SRGAP2B: variants seen among roughly 807,000 people sequenced by gnomAD.
SRGAP2B encodes the protein SLIT-ROBO Rho GTPase activating protein 2B, also known as SLIT-ROBO Rho GTPase-activating protein 2B.
SRGAP2B carries 9 observed loss-of-function variants against 22.2 expected under a neutral mutation model. The observed-to-expected ratio is 0.41, with a 90% CI of 0.24 to 0.71. SRGAP2B has a LOEUF of 0.71. Ranked by LOEUF, SRGAP2B falls within the 30% of genes least tolerant of loss-of-function variation. The pLI, the probability that SRGAP2B is intolerant of heterozygous loss-of-function variation, is 0.35. For missense variants in SRGAP2B, 114 were observed against 235.8 expected, an observed-to-expected ratio of 0.48 and a Z score of 3.38; for synonymous variants, 36 against 87.4, an observed-to-expected ratio of 0.41 and a Z score of 3.28.
chr1:144,915,683 G>A (rs879965464), intron 4 of SRGAP2B, among the ~76,000 whole-genome samples: 2 of 151,242 alleles, frequency 1.3e-5, no homozygotes, highest in Admixed American at 6.6e-5. Context: ...CCGAGATTGC[G>A]CCATTGCACT....
intron 4 of SRGAP2B, among the ~76,000 whole-genome samples, chr1:144,927,516 T>C (rs1664824853): frequency 6.7e-6 from 1 of 150,372 alleles, no homozygotes; most frequent in Non-Finnish European, 1.5e-5. Flanking sequence ...CTGTCAACCA[T>C]GCTGTTGCTC....
exon 10 of SRGAP2B, chr1:144,887,316 TTA>T (rs1202096034): frequency 1.4e-5 from 2 of 140,274 alleles, no homozygotes; most frequent in Admixed American, 1.5e-4. Context: ...TTTAATAATT[TTA>T]TGTTAAACTC....
chr1:144,944,318 T>C (rs1361467823), intron 4 of SRGAP2B, among the ~76,000 whole-genome samples: 1 of 150,590 alleles, frequency 6.6e-6, no homozygotes, highest in East Asian at 1.9e-4. Flanking sequence ...TTTAAGTAAT[T>C]GCCAACTATG....
chr1:144,980,875 TAACTA>T (rs1326365047), intron 3 of SRGAP2B, among the ~76,000 whole-genome samples: 4 of 149,584 alleles, frequency 2.7e-5, no homozygotes, highest in African/African-American at 7.5e-5. Flanking sequence ...ATTGAGAACA[TAACTA>T]TACTATCTTT....
chr1:144,956,715 TG>T (rs1342250615), intron 3 of SRGAP2B, among the ~76,000 whole-genome samples: 1 of 150,340 alleles, frequency 6.7e-6, no homozygotes, highest in Admixed American at 6.6e-5. Flanking sequence ...CCCAAAGTGC[TG>T]GGATTATAGG....
chr1:144,979,707 G>A lies in SRGAP2B; in HGVS notation c.260+15301C>T, dbSNP rs587682739. ...GCTCACTTAGTTCACGAGAGATCTG[G>A]TTGTTCAAAAGTCTGGGACCTCCCC... On this transcript the variant is annotated intron_variant, in intron 3 of 9. Coordinates refer to ENST00000612199, the Ensembl canonical transcript of SRGAP2B. Among the ~76,000 whole-genome samples, 988 of 150,768 alleles carry A rather than the reference G, an allele frequency of 6.6e-3. 13 individuals carry two copies. Among genetic ancestry groups the A allele is most frequent in the Admixed American group, 0.01 (158 of 15,186 alleles).
chr1:144,984,365 C>CAACAACAAA (rs1491147391), intron 3 of SRGAP2B, among the ~76,000 whole-genome samples: 14 of 126,438 alleles, frequency 1.1e-4, no homozygotes, highest in Non-Finnish European at 1.8e-4. Flanking sequence ...ACAACAACAA[C>CAACAACAAA]AAAAAAAAAA....
chr1:144,907,161 G>A (rs1302570136), intron 5 of SRGAP2B, among the ~76,000 whole-genome samples: 72 of 149,366 alleles, frequency 4.8e-4, no homozygotes, highest in Non-Finnish European at 4.6e-4. Flanking sequence ...GTGTGTGTGT[G>A]TGCATGTGTG....
chr1:144,909,887 T>G (rs1156345820), intron 5 of SRGAP2B, among the ~76,000 whole-genome samples: 1 of 149,804 alleles, frequency 6.7e-6, no homozygotes, highest in Non-Finnish European at 1.5e-5. Flanking sequence ...ATACTAAAGT[T>G]GGGGCTTCCA....
At chr1:145,044,940 C>T (rs1317065042) in intron 2 of SRGAP2B, among the ~76,000 whole-genome samples, 1 of 150,268 alleles carries the variant, frequency 6.7e-6, no homozygotes, top group Admixed American at 6.7e-5. Flanking sequence ...CTGAGGCTAC[C>T]TATAGAACTT....
chr1:144,971,216 C>T (rs777228570), intron 3 of SRGAP2B, among the ~76,000 whole-genome samples: 3 of 148,660 alleles, frequency 2.0e-5, no homozygotes, highest in African/African-American at 2.6e-5. Context: ...CCGCAACCTC[C>T]GCCTCCTGGG....
intron 3 of SRGAP2B, among the ~76,000 whole-genome samples, chr1:144,956,881 T>C: frequency 6.7e-6 from 1 of 149,170 alleles, no homozygotes; most frequent in South Asian, 2.1e-4. Flanking sequence ...AAAGTAGGAA[T>C]AATTTGCAGT....
At chr1:145,081,112 C>A (rs587704890) in intron 2 of SRGAP2B, among the ~76,000 whole-genome samples, 2 of 149,536 alleles carry the variant, frequency 1.3e-5, no homozygotes, top group African/African-American at 5.1e-5. Flanking sequence ...CAGCTTCACA[C>A]CAGTGTTAAG....
intron 2 of SRGAP2B, among the ~76,000 whole-genome samples, chr1:145,068,227 A>AT (rs1440925778): frequency 1.4e-5 from 2 of 143,174 alleles, no homozygotes; most frequent in Admixed American, 1.4e-4. Context: ...AAAAAAAAAA[A>AT]CAAATACAGC....
At chr1:145,007,424 T>A (rs1409602060) in intron 2 of SRGAP2B, among the ~76,000 whole-genome samples, 7 of 150,918 alleles carry the variant, frequency 4.6e-5, no homozygotes, top group African/African-American at 1.5e-4. Context: ...GAATCCTCAT[T>A]CTCACTGTCT....
intron 4 of SRGAP2B, chr1:144,917,886 G>A (rs1182776356): frequency 6.7e-4 from 47 of 70,080 alleles, no homozygotes; most frequent in Middle Eastern, 9.3e-3. Context: ...GTGTGCCTTT[G>A]GGGGAAAGCG....
At chr1:144,889,281 G>A (rs1662084190) in exon 10 of SRGAP2B, 1 of 145,766 alleles carries the variant, frequency 6.9e-6, no homozygotes, top group South Asian at 2.2e-4. Context: ...TTTCAAATGA[G>A]AAGGTTGGGT....
chr1:144,990,931 AC>A (rs1670152172), intron 3 of SRGAP2B, among the ~76,000 whole-genome samples: 1 of 150,726 alleles, frequency 6.6e-6, no homozygotes, highest in Non-Finnish European at 1.5e-5. Flanking sequence ...TGAGCCTCCC[AC>A]CCACTCCATG....
intron 3 of SRGAP2B, among the ~76,000 whole-genome samples, chr1:144,985,509 A>C: frequency 6.6e-6 from 1 of 151,514 alleles, no homozygotes. Flanking sequence ...TATTTAAAAA[A>C]AAAACAAACA....
Sources: allele counts gnomAD v4.1 joint callset (sites outside exome capture counted in the v4.1 genomes callset), GRCh38; gene constraint gnomAD v4.1.1; transcripts MANE v1.5; gene names NCBI Gene and HGNC (gene_info 2026-07-23, HGNC 2026-07-21).